Variants in VAV3 observed in about 807,000 individuals in gnomAD.
VAV3 encodes vav guanine nucleotide exchange factor 3.
In VAV3, 94 loss-of-function variants were observed where a neutral mutation model predicts 131.2. The observed-to-expected ratio is 0.72, with a 90% CI of 0.61 to 0.85. The LOEUF is 0.85. VAV3 is among the 40% of genes least tolerant of loss of function. VAV3 has a pLI of 0.00. For synonymous variants in VAV3, 349 were observed against 342.0 expected (o/e 1.02, Z -0.22); for missense variants, 939 against 1,002.7 (o/e 0.94, Z 0.86).
At chr1:107,835,560 A>G (rs1171831299) in intron 2 of VAV3, among the ~76,000 whole-genome samples, 1 of 152,160 alleles carries the variant, frequency 6.6e-6, no homozygotes, top group Non-Finnish European at 1.5e-5. Flanking sequence ...CCTCTGCCCA[A>G]TGTAGCCTCA....
intron 2 of VAV3, among the ~76,000 whole-genome samples, chr1:107,786,371 A>AT (rs1666004302): frequency 1.3e-5 from 2 of 152,146 alleles, no homozygotes; most frequent in African/African-American, 4.8e-5. Flanking sequence ...CAGAAGTCAG[A>AT]TTTTCTGGGT....
chr1:107,746,856 A>T (rs1349167757), intron 15 of VAV3, among the ~76,000 whole-genome samples: 1 of 150,966 alleles, frequency 6.6e-6, no homozygotes, highest in East Asian at 2.0e-4. Context: ...TCAAATGCTG[A>T]CAATAGTATT....
intron 19 of VAV3, among the ~76,000 whole-genome samples, chr1:107,645,370 T>A (rs1655663458): frequency 1.3e-5 from 2 of 151,990 alleles, no homozygotes; most frequent in Non-Finnish European, 2.9e-5. Context: ...GCAATTTATT[T>A]CTTACTGTCA....
chr1:107,758,445 G>A (rs556793735), intron 10 of VAV3, among the ~76,000 whole-genome samples: 47 of 152,212 alleles, frequency 3.1e-4, no homozygotes, highest in African/African-American at 1.1e-3. Flanking sequence ...GGTGGCATGA[G>A]CCTGTAGTCT....
chr1:107,671,045 GTT>G (rs759920867), intron 19 of VAV3, among the ~76,000 whole-genome samples: 2 of 152,206 alleles, frequency 1.3e-5, no homozygotes, highest in Non-Finnish European at 2.9e-5. Flanking sequence ...AAATGGCAAA[GTT>G]TCTTCCTCTG....
chr1:107,953,207 G>C (rs1475467475), intron 1 of VAV3, among the ~76,000 whole-genome samples: 2 of 152,100 alleles, frequency 1.3e-5, no homozygotes, highest in Non-Finnish European at 2.9e-5. Flanking sequence ...AAGCCCTTTA[G>C]CCAGGGCACA....
At chr1:107,748,037 G>T (rs1005995388) in intron 15 of VAV3, among the ~76,000 whole-genome samples, 2 of 151,874 alleles carry the variant, frequency 1.3e-5, no homozygotes, top group African/African-American at 4.8e-5. Flanking sequence ...TAAAATGTTA[G>T]ATAAAATAAC....
chr1:107,798,391 G>A (rs1244589926), intron 2 of VAV3, among the ~76,000 whole-genome samples: 2 of 123,058 alleles, frequency 1.6e-5, no homozygotes, highest in African/African-American at 2.8e-5. Context: ...GCAGGTGGCT[G>A]TTTGTGCCTC....
intron 2 of VAV3, among the ~76,000 whole-genome samples, chr1:107,806,433 G>A (rs1426400628): frequency 2.0e-5 from 3 of 151,390 alleles, no homozygotes; most frequent in Non-Finnish European, 4.4e-5. Context: ...TAGTCTTGCT[G>A]CTGTACATTT....
chr1:107,863,246 A>G (rs1161202962), intron 2 of VAV3, among the ~76,000 whole-genome samples: 1 of 152,052 alleles, frequency 6.6e-6, no homozygotes, highest in African/African-American at 2.4e-5. Flanking sequence ...ATTCTTAAAC[A>G]TCCCAAATCT....
chr1:107,590,471 C>T (rs1570571259), intron 25 of VAV3, among the ~76,000 whole-genome samples: 1 of 152,160 alleles, frequency 6.6e-6, no homozygotes. Flanking sequence ...GCCTATAATT[C>T]TCACATCACT....
chr1:107,795,902 C>T (rs1277992177), intron 2 of VAV3, among the ~76,000 whole-genome samples: 1 of 152,174 alleles, frequency 6.6e-6, no homozygotes, highest in Non-Finnish European at 1.5e-5. Flanking sequence ...CGAAAGATAT[C>T]CCCCATCCAA....
intron 18 of VAV3, chr1:107,686,093 T>C (rs1344585801): frequency 6.6e-6 from 1 of 151,810 alleles, no homozygotes; most frequent in Non-Finnish European, 1.5e-5. Context: ...CAGTTATTTC[T>C]TGCCTCATTA....
At chr1:107,841,774 T>C (rs908590678) in intron 2 of VAV3, among the ~76,000 whole-genome samples, 2 of 152,176 alleles carry the variant, frequency 1.3e-5, no homozygotes, top group Non-Finnish European at 2.9e-5. Flanking sequence ...CTAGTCTAAA[T>C]TGCTATGTGC....
chr1:107,832,844 C>CA (rs1444969943), intron 2 of VAV3, among the ~76,000 whole-genome samples: 2 of 152,076 alleles, frequency 1.3e-5, no homozygotes, highest in Non-Finnish European at 2.9e-5. Flanking sequence ...TTAGGAAGAG[C>CA]AAATAACATA....
intron 4 of VAV3, among the ~76,000 whole-genome samples, chr1:107,776,267 G>C (rs1665351224): frequency 6.6e-6 from 1 of 152,204 alleles, no homozygotes; most frequent in African/African-American, 2.4e-5. Context: ...ACACTGTGAA[G>C]TTCTAGGAAT....
chr1:107,714,248 T>C (rs1490106715), intron 15 of VAV3, among the ~76,000 whole-genome samples: 2 of 152,134 alleles, frequency 1.3e-5, no homozygotes, highest in African/African-American at 4.8e-5. Flanking sequence ...GGACCATGCA[T>C]CTAACTTACC....
rs564932851 is a variant in VAV3, at chr1:107,797,176, T to C, written c.322-17684A>G. Among the ~76,000 whole-genome samples, 250 of 152,322 alleles carry C rather than the reference T, an allele frequency of 1.6e-3. 3 individuals carry two copies. Among genetic ancestry groups the C allele is most frequent in the African/African-American group, 5.7e-3 (239 of 41,568 alleles). On this transcript the variant is annotated intron_variant, in intron 2 of 26. Coordinates refer to ENST00000370056, the MANE Select transcript of VAV3 (RefSeq NM_006113.5). ...GTCAATTTTATATAGTAAAAAGCTA[T>C]ATAAACTATATAGTGTCAGAGAAAT...
intron 19 of VAV3, among the ~76,000 whole-genome samples, chr1:107,663,226 G>A (rs1657159144): frequency 6.6e-6 from 1 of 152,128 alleles, no homozygotes; most frequent in Non-Finnish European, 1.5e-5. Context: ...TCCCTTTGCA[G>A]ATATTCAAAT....
Sources: gnomAD v4.1 joint callset for allele counts (sites outside exome capture counted in the v4.1 genomes callset) on GRCh38, gnomAD v4.1.1 for gene constraint, MANE v1.5 for transcripts, NCBI Gene and HGNC (gene_info 2026-07-23, HGNC 2026-07-21) for gene names.